Variants in KCNQ1OT1 observed in about 807,000 individuals in gnomAD.
The protein encoded by KCNQ1OT1 is KCNQ1 opposite strand/antisense transcript 1.
At position 2,661,437 on chromosome 11, in the gene KCNQ1OT1, T is replaced by G; in HGVS notation, n.38558A>C. On this transcript the variant is annotated non_coding_transcript_exon_variant, in exon 1 of 1. Transcript: ENST00000597346. The surrounding 1 kb of genome is among the most constrained non-coding windows in gnomAD (Gnocchi z 5.9). ...TCATTGGGGGTACAACTGGTTGATG[T>G]AGCATCGTGTTTTGAGGAAGGAGTT... The G allele has an allele frequency of 2.3e-6, 1 of 436,836 alleles. No individual in the cohort carries two copies. Among genetic ancestry groups the G allele is most frequent in the Non-Finnish European group, 4.0e-6 (1 of 248,450 alleles). 27.1% of individuals were successfully genotyped at this position (436,836 alleles called of 1,614,324 possible).
At chr11:2,638,619 A>G (rs1589997268) in exon 1 of KCNQ1OT1, 1 of 152,080 alleles carries the variant, frequency 6.6e-6, no homozygotes. Flanking sequence ...TTTTTCCTTC[A>G]TTTCAACTTT....
exon 1 of KCNQ1OT1, chr11:2,692,160 C>T (rs991756774): frequency 5.0e-6 from 2 of 398,586 alleles, no homozygotes; most frequent in African/African-American, 4.1e-5. Context: ...CAGTGTCACC[C>T]ATCCTTTCAG....
chr11:2,666,605 G>C (rs1432900612), exon 1 of KCNQ1OT1: 1 of 398,650 alleles, frequency 2.5e-6, no homozygotes, highest in East Asian at 3.6e-5. Flanking sequence ...TGGAAATAAG[G>C]GCAAACGTCA....
rs187504549 is a variant in KCNQ1OT1, at chr11:2,694,493, C to T, written n.5502G>A. 1.7e-3 allele frequency: 692 copies of T among 398,632 alleles called. 4 individuals carry two copies. Among genetic ancestry groups the T allele is most frequent in the Middle Eastern group, 0.017 (27 of 1,588 alleles). The allele number at this position is 398,632 out of a possible 1,614,324, so 24.7% of individuals were successfully genotyped here. Reference sequence around the variant, plus strand: ...AGATACATCCTGTCCCAAGCATTACCAGTGTGGCTGGCTAAGAAACCCTGG... The same window carrying T: ...AGATACATCCTGTCCCAAGCATTACTAGTGTGGCTGGCTAAGAAACCCTGG... On this transcript the variant is annotated non_coding_transcript_exon_variant, in exon 1 of 1. Coordinates refer to ENST00000597346, the Ensembl canonical transcript of KCNQ1OT1.
rs1849146060 is a variant in KCNQ1OT1, at chr11:2,620,225, T to A, written n.79770A>T. ...TATATATATATATTTTTTTTTTTTA[T>A]TTTTTTTTTAGACGGAGTTTCGCTC... On this transcript the variant is annotated non_coding_transcript_exon_variant, in exon 1 of 1. Transcript: ENST00000597346. The surrounding 1 kb of genome is among the most constrained non-coding windows in gnomAD (Gnocchi z 4.5). The A allele has an allele frequency of 1.4e-4, 32 of 224,930 alleles. No individual in the cohort carries two copies. Among genetic ancestry groups the A allele is most frequent in the Non-Finnish European group, 1.9e-4 (23 of 119,632 alleles). The allele number at this position is 224,930 out of a possible 1,614,324, so 13.9% of individuals were successfully genotyped here.
exon 1 of KCNQ1OT1, chr11:2,667,274 C>T: frequency 2.5e-6 from 1 of 398,648 alleles, no homozygotes; most frequent in Non-Finnish European, 4.4e-6. Flanking sequence ...TGGCCTAGGG[C>T]TGCTGCTATG....
At chr11:2,636,334 C>T (rs1482190663) in exon 1 of KCNQ1OT1, 1 of 151,832 alleles carries the variant, frequency 6.6e-6, no homozygotes, top group Non-Finnish European at 1.5e-5. Context: ...TCATAAATAG[C>T]TCTTATTATT....
chr11:2,661,393 T>C lies in KCNQ1OT1; in HGVS notation n.38602A>G. On this transcript the variant is annotated non_coding_transcript_exon_variant, in exon 1 of 1. Transcript: ENST00000597346. This position sits in a 1 kb window ranked among gnomAD's most constrained non-coding sequence, Gnocchi z 5.9. ...AGGAATCATAATGTGAAGCCAGCTG[T>C]TGGAGGGACTCCTGTGCCTCATTGG... 1 of 409,570 alleles carries C rather than the reference T, an allele frequency of 2.4e-6. No individual in the cohort carries two copies. Among genetic ancestry groups the C allele is most frequent in the Non-Finnish European group, 4.3e-6 (1 of 231,904 alleles). 25.4% of individuals were successfully genotyped at this position (409,570 alleles called of 1,614,324 possible). A position where few individuals can be genotyped will look rare whatever the true frequency, so the allele number is the denominator to read the frequency against.
In KCNQ1OT1 at chr11:2,687,063, C is replaced by T. The variant is rs1850502157; in HGVS notation, n.12932G>A. 1.0e-5 allele frequency: 4 copies of T among 398,530 alleles called. No individual in the cohort carries two copies. The highest frequency in any genetic ancestry group is 8.8e-5 in the Admixed American group (2 of 22,724). 24.7% of individuals were successfully genotyped at this position (398,530 alleles called of 1,614,324 possible). ...CCCAGCTCTGGGGGACAAGGACCCA[C>T]AAAGTGATGCAAGATATCCTGAGTT... is the stretch of plus-strand genomic sequence containing the variant. On this transcript the variant is annotated non_coding_transcript_exon_variant, in exon 1 of 1. Coordinates refer to ENST00000597346, the Ensembl canonical transcript of KCNQ1OT1. The surrounding 1 kb of genome is among the most constrained non-coding windows in gnomAD (Gnocchi z 5.0).
chr11:2,662,222 C>A lies in KCNQ1OT1; in HGVS notation n.37773G>T, dbSNP rs231363. 4,130 of 1,156,254 alleles carry A rather than the reference C, an allele frequency of 3.6e-3. 15 individuals are homozygous for A. The highest frequency in any genetic ancestry group is 4.6e-3 in the Non-Finnish European group (3,730 of 805,382). 71.6% of individuals were successfully genotyped at this position (1,156,254 alleles called of 1,614,324 possible). Reference sequence around the variant, plus strand: ...GCCCACCACTTGCCGTCTGCCTGGCCCCAACACGGAGGCACCAGGCAAGAG... The same window carrying A: ...GCCCACCACTTGCCGTCTGCCTGGCACCAACACGGAGGCACCAGGCAAGAG... On this transcript the variant is annotated non_coding_transcript_exon_variant, in exon 1 of 1. Transcript: ENST00000597346.
exon 1 of KCNQ1OT1, chr11:2,640,837 C>T (rs1245469591): frequency 5.0e-6 from 2 of 399,066 alleles, no homozygotes; most frequent in Non-Finnish European, 8.8e-6. Context: ...TCCAGACATA[C>T]CTTTCACAGC....
At position 2,682,636 on chromosome 11, in the gene KCNQ1OT1, T is replaced by C. The variant is rs1301001258; in HGVS notation, n.17359A>G. 2 of 398,606 alleles carry C rather than the reference T, an allele frequency of 5.0e-6. No individual in the cohort carries two copies. The highest frequency in any genetic ancestry group is 4.4e-6 in the Non-Finnish European group (1 of 226,094). 24.7% of individuals were successfully genotyped at this position (398,606 alleles called of 1,614,324 possible). A position where few individuals can be genotyped will look rare whatever the true frequency, so the allele number is the denominator to read the frequency against. On this transcript the variant is annotated non_coding_transcript_exon_variant, in exon 1 of 1. Coordinates refer to ENST00000597346, the Ensembl canonical transcript of KCNQ1OT1. The surrounding 1 kb of genome is among the most constrained non-coding windows in gnomAD (Gnocchi z 5.8). ...GAGAGCTCTTCTTCAGGCTCAGTCA[T>C]CCCTGCTTCCCCAGGGCTCATGTCC... is the stretch of plus-strand genomic sequence containing the variant.
rs1850438535 is a variant in KCNQ1OT1, at chr11:2,683,747, A to T, written n.16248T>A. 1 of 398,482 alleles carries T rather than the reference A, an allele frequency of 2.5e-6. No individual in the cohort carries two copies. The highest frequency in any genetic ancestry group is 4.4e-6 in the Non-Finnish European group (1 of 226,072). 24.7% of individuals were successfully genotyped at this position (398,482 alleles called of 1,614,324 possible). A position where few individuals can be genotyped will look rare whatever the true frequency, so the allele number is the denominator to read the frequency against. On this transcript the variant is annotated non_coding_transcript_exon_variant, in exon 1 of 1. Transcript: ENST00000597346. The surrounding 1 kb of genome is among the most constrained non-coding windows in gnomAD (Gnocchi z 4.7). ...GGTTACCTAGCTTTAGCTCTGAGGC[A>T]GCCCAGATGACATGGGCCTCTAAGG... is the stretch of plus-strand genomic sequence containing the variant.
At position 2,636,677 on chromosome 11, in the gene KCNQ1OT1, T is replaced by C. The variant is rs559470202; in HGVS notation, n.63318A>G. ...TTGTTGTGTCTCTGCCAGGCTTTGG[T>C]ATCAGGATGATGCTGGCCTCATAAA... On this transcript the variant is annotated non_coding_transcript_exon_variant, in exon 1 of 1. Transcript: ENST00000597346. The C allele has an allele frequency of 8.5e-5, 13 of 152,294 alleles. 1 individual carries two copies. In the South Asian group the frequency reaches 2.7e-3, roughly 32 times the overall value. The allele number at this position is 152,294 out of a possible 1,614,324, so 9.4% of individuals were successfully genotyped here. A position where few individuals can be genotyped will look rare whatever the true frequency, so the allele number is the denominator to read the frequency against.
In KCNQ1OT1 at chr11:2,612,424, AT is replaced by A; in HGVS notation, n.87570del. 1 of 398,308 alleles carries A rather than the reference AT, an allele frequency of 2.5e-6. No individual in the cohort carries two copies. The highest frequency in any genetic ancestry group is 4.4e-6 in the Non-Finnish European group (1 of 226,008). 24.7% of individuals were successfully genotyped at this position (398,308 alleles called of 1,614,324 possible). ...TATGGTATCCAATGGGTATCTCTTC[AT>A]TTTTCTTCATTATTTTTCTTTCTAT... On this transcript the variant is annotated non_coding_transcript_exon_variant, in exon 1 of 1. Transcript: ENST00000597346. This position sits in a 1 kb window ranked among gnomAD's most constrained non-coding sequence, Gnocchi z 5.5.
Position 2,679,324 on chromosome 11 carries a change from A to G in KCNQ1OT1, n.20671T>C, listed in dbSNP as rs1012961620. ...ATAACAGGGTCTGGAGTCTGAACTC[A>G]TATCCTAATTCCACTACTTTCTACC... On this transcript the variant is annotated non_coding_transcript_exon_variant, in exon 1 of 1. Transcript: ENST00000597346. This position sits in a 1 kb window ranked among gnomAD's most constrained non-coding sequence, Gnocchi z 4.8. The G allele has an allele frequency of 1.1e-4, 42 of 398,540 alleles. No homozygotes were observed. The highest frequency in any genetic ancestry group is 5.3e-5 in the Non-Finnish European group (12 of 226,084). 24.7% of individuals were successfully genotyped at this position (398,540 alleles called of 1,614,324 possible).
At chr11:2,688,918 C>T (rs1458805919) in exon 1 of KCNQ1OT1, 4 of 398,942 alleles carry the variant, frequency 1.0e-5, no homozygotes, top group Non-Finnish European at 1.8e-5. Flanking sequence ...CCACCCCACA[C>T]AGGCCTGTCT....
exon 1 of KCNQ1OT1, chr11:2,641,526 T>A (rs890023040): frequency 5.0e-6 from 2 of 398,348 alleles, no homozygotes; most frequent in African/African-American, 4.1e-5. Context: ...CCTAGTATAT[T>A]CTGGTATTAG....
At position 2,664,709 on chromosome 11, in the gene KCNQ1OT1, G is replaced by A. The variant is rs1850032696; in HGVS notation, n.35286C>T. The A allele has an allele frequency of 2.5e-6, 1 of 398,618 alleles. No homozygotes were observed. Among genetic ancestry groups the A allele is most frequent in the Non-Finnish European group, 4.4e-6 (1 of 226,176 alleles). 24.7% of individuals were successfully genotyped at this position (398,618 alleles called of 1,614,324 possible). A position where few individuals can be genotyped will look rare whatever the true frequency, so the allele number is the denominator to read the frequency against. ...CCCCATGGACCCTGAACTGGGAAGA[G>A]AGGCACACGCCCTGGTGTGTGTGAG... On this transcript the variant is annotated non_coding_transcript_exon_variant, in exon 1 of 1. Coordinates refer to ENST00000597346, the Ensembl canonical transcript of KCNQ1OT1. The surrounding 1 kb of genome is among the most constrained non-coding windows in gnomAD (Gnocchi z 5.1).
Sources: gnomAD v4.1 joint callset for allele counts on GRCh38, gnomAD v4.1.1 for gene constraint, Gnocchi (gnomAD v3.1) non-coding constraint, MANE v1.5 for transcripts, NCBI Gene and HGNC (gene_info 2026-07-23, HGNC 2026-07-21) for gene names.